Variants in MVK observed in about 807,000 individuals in gnomAD.
The protein encoded by MVK is mevalonate kinase, also known as LH receptor mRNA-binding protein.
MVK carries 34 observed loss-of-function variants against 43.2 expected under a neutral mutation model. The observed-to-expected ratio is 0.79, with a 90% CI of 0.60 to 1.05. The LOEUF is 1.05. MVK is among the 50% of genes least tolerant of loss of function. MVK has a pLI of 0.00. For missense variants in MVK, 395 were observed against 504.0 expected (o/e 0.78, Z 2.07); for synonymous variants, 190 against 219.8 (o/e 0.86, Z 1.20).
At chr12:109,594,131 C>T (rs1309349573) in intron 9 of MVK, among the ~76,000 whole-genome samples, 1 of 152,086 alleles carries the variant, frequency 6.6e-6, no homozygotes, top group Non-Finnish European at 1.5e-5. Flanking sequence ...GAACACAGGC[C>T]TACTTGACTC....
chr12:109,592,718 C>A (rs1885737195), intron 9 of MVK, among the ~76,000 whole-genome samples: 1 of 152,214 alleles, frequency 6.6e-6, no homozygotes, highest in African/African-American at 2.4e-5. Flanking sequence ...AGTGGCCGAG[C>A]CAGGGGTCCA....
intron 5 of MVK, among the ~76,000 whole-genome samples, chr12:109,583,004 A>T (rs1470248422): frequency 6.6e-6 from 1 of 152,114 alleles, no homozygotes; most frequent in East Asian, 1.9e-4. Context: ...ACTCTTACAG[A>T]AACACCTGGT....
chr12:109,592,704 A>G (rs1885736601), intron 9 of MVK, among the ~76,000 whole-genome samples: 1 of 152,232 alleles, frequency 6.6e-6, no homozygotes, highest in South Asian at 2.1e-4. Flanking sequence ...TTATCCAGCT[A>G]GTGAGTGGCC....
intron 8 of MVK, 95 bp from the exon 9 acceptor site, chr12:109,591,146 G>A: frequency 8.0e-7 from 1 of 1,242,716 alleles, no homozygotes. Context: ...CACGGGCTGT[G>A]TGAACACCTC....
At chr12:109,580,118 T>G (rs1399059819) in intron 4 of MVK, among the ~76,000 whole-genome samples, 172 bp downstream of exon 4, 1 of 152,132 alleles carries the variant, frequency 6.6e-6, no homozygotes, top group African/African-American at 2.4e-5. Context: ...TGGCGTGCCT[T>G]TTTTTTGAGA....
rs201349522 is a variant in MVK at position 109,582,664 on chromosome 12, G to A, written c.527+1114G>A. 2.3e-5 allele frequency among the ~76,000 whole-genome samples: 3 copies of A among 129,520 alleles called. No homozygotes were observed. The East Asian group carries it at 7.5e-4, about 32-fold the overall frequency. The allele number at this position is 129,520 out of a possible 152,430, so 85.0% of individuals were successfully genotyped here. The stretch of plus-strand genomic sequence containing the variant: ...ATGTGTTTCTGAGTCGGAAAGGACT[G>A]GAGCCCAGTCTCCTTTGAAGACTCA... On this transcript the variant is annotated intron_variant, in intron 5 of 10. Transcript: ENST00000228510.
chr12:109,575,963 C>T, intron 2 of MVK, 35 bp from the exon 3 acceptor site: 2 of 1,613,576 alleles, frequency 1.2e-6, no homozygotes, highest in Admixed American at 3.3e-5. Flanking sequence ...TGCCACTCAC[C>T]CTCAGGCTTA....
chr12:109,580,760 A>G (rs1212114067), intron 4 of MVK, among the ~76,000 whole-genome samples: 1 of 152,196 alleles, frequency 6.6e-6, no homozygotes, highest in Non-Finnish European at 1.5e-5. Flanking sequence ...TGGGGGAAAT[A>G]CATGTAAGAT....
Position 109,586,709 on chromosome 12 carries a change from T to A in MVK, c.632-45T>A, listed in dbSNP as rs768161017. On this transcript the variant is annotated intron_variant, in intron 6 of 10. Transcript: ENST00000228510. ...ACCTCTCTCCCAAGTAGCACAGATA[T>A]GTTAGCTTTTCCCACAGCTCTGACC... is the stretch of plus-strand genomic sequence containing the variant. 24 of 1,607,400 alleles carry A rather than the reference T, an allele frequency of 1.5e-5. No individual in the cohort carries two copies. The African/African-American group carries it at 1.9e-4, about 13-fold the overall frequency.
rs190900322 is a variant in MVK, at chr12:109,595,540, G to T, written c.1039+359G>T. Among the ~76,000 whole-genome samples, 25 of 152,276 alleles carry T rather than the reference G, an allele frequency of 1.6e-4. No individual in the cohort carries two copies. The East Asian group carries it at 3.9e-3, about 24-fold the overall frequency. The stretch of plus-strand genomic sequence containing the variant: ...ACCTTGCCCCACTTGTACCCTTGAT[G>T]TGGTCAGGATGCGGTTGATTTTGCT... On this transcript the variant is annotated intron_variant, in intron 10 of 10. Transcript: ENST00000228510. The surrounding 1 kb of genome is among the most constrained non-coding windows in gnomAD (Gnocchi z 5.9).
At chr12:109,578,753 C>T (rs867178681) in intron 3 of MVK, among the ~76,000 whole-genome samples, 6 of 152,144 alleles carry the variant, frequency 3.9e-5, no homozygotes, top group Admixed American at 2.6e-4. Context: ...AACCAGTGCC[C>T]GAAGTTTCCT....
At chr12:109,574,711 TG>T (rs1479649092) in intron 1 of MVK, 97 bp from the exon 2 acceptor site, 12 of 1,054,798 alleles carry the variant, frequency 1.1e-5, no homozygotes, top group Non-Finnish European at 1.6e-5. Flanking sequence ...CTACCTTTTT[TG>T]TTATTATGAT....
chr12:109,573,373 G>T, upstream of MVK: 1 of 1,613,012 alleles, frequency 6.2e-7, no homozygotes, highest in Non-Finnish European at 8.5e-7. Context: ...CGCCCTGAGG[G>T]CCGCGGCTCT....
At position 109,583,707 on chromosome 12, in the gene MVK, T is replaced by C. The variant is rs1885321437; in HGVS notation, c.527+2157T>C. 2.0e-5 allele frequency among the ~76,000 whole-genome samples: 3 copies of C among 152,314 alleles called. No homozygotes were observed. The South Asian group carries it at 6.2e-4, about 32-fold the overall frequency. ...CCACAATGGTTGAACTAGTTTACAG[T>C]CCCACCAACAGTGTAAAAGTGTTCC... On this transcript the variant is annotated intron_variant, in intron 5 of 10. Transcript: ENST00000228510.
intron 2 of MVK, 126 bp from the exon 3 acceptor site, chr12:109,575,872 C>A: frequency 9.1e-7 from 1 of 1,097,770 alleles, no homozygotes; most frequent in Non-Finnish European, 1.4e-6. Flanking sequence ...GGTTGATTAG[C>A]AGTGTCTGGC....
Position 109,576,049 on chromosome 12 carries a change from C to T in MVK, c.130C>T (p.His44Tyr). 6.2e-7 allele frequency: 1 copy of T among 1,614,192 alleles called. No homozygotes were observed. The highest frequency in any genetic ancestry group is 8.5e-7 in the Non-Finnish European group (1 of 1,180,014). The change falls in exon 3 of 11, where the codon CAC becomes TAC. Residue 44 changes from histidine (H) to tyrosine (Y), a missense_variant. Physicochemically the swap from His to Tyr is moderately conservative, Grantham distance 83. Coordinates refer to ENST00000228510, the MANE Select transcript of MVK (RefSeq NM_000431.4). Reference protein sequence around the residue: ...NLRTFLRLQPHSNGKVDLSLP... With the variant: ...NLRTFLRLQPYSNGKVDLSLP... ...GAGAACATTCCTCCGGCTTCAACCC[C>T]ACAGCAATGGGAAAGTGGACCTCAG...
chr12:109,574,947 G>C (rs1330446702), intron 2 of MVK, 47 bp downstream of exon 2: 1 of 1,552,728 alleles, frequency 6.4e-7, no homozygotes, highest in African/African-American at 1.4e-5. Flanking sequence ...CCTTCTCCCT[G>C]ATGCTAATTT....
intron 9 of MVK, 118 bp from the exon 10 acceptor site, chr12:109,594,910 A>C: frequency 2.3e-6 from 3 of 1,298,476 alleles, no homozygotes; most frequent in Non-Finnish European, 3.3e-6. Context: ...CCAGGTAGGC[A>C]AAGCCGTTGG....
chr12:109,596,221 G>A (rs1257655529), intron 10 of MVK, among the ~76,000 whole-genome samples: 2 of 152,222 alleles, frequency 1.3e-5, no homozygotes, highest in Non-Finnish European at 2.9e-5. Context: ...TTTAACTCTT[G>A]CTCCCTAAAC....
Sources: allele counts gnomAD v4.1 joint callset (sites outside exome capture counted in the v4.1 genomes callset), GRCh38; gene constraint gnomAD v4.1.1; non-coding constraint Gnocchi (gnomAD v3.1); transcripts MANE v1.5; gene names NCBI Gene and HGNC (gene_info 2026-07-23, HGNC 2026-07-21).